ANKRD36C: variants seen among roughly 807,000 people sequenced by gnomAD.
ANKRD36C encodes ankyrin repeat domain-containing protein 36C.
A neutral mutation model predicts 276.4 loss-of-function variants in ANKRD36C; 61 were observed. The ratio of observed to expected loss-of-function variants is 0.22; its 90% CI spans 0.18 to 0.27. The LOEUF is 0.27. ANKRD36C is among the 10% of genes least tolerant of loss of function. ANKRD36C has a pLI of 1.00. For missense variants in ANKRD36C, 1,447 were observed against 2,032.3 expected, an observed-to-expected ratio of 0.71 and a Z score of 5.54; for synonymous variants, 483 against 680.1, an observed-to-expected ratio of 0.71 and a Z score of 4.51.
rs1275854166 is a variant in ANKRD36C, at chr2:95,857,463, C to T, written c.3926G>A (p.Arg1309Lys). ...TTGGTGCAACTCTTCAACATTTCTT[C>T]TTTTCTTTTTTTCTTGCTGTATGGC... is the stretch of plus-strand genomic sequence containing the variant. The change falls in exon 62 of 67, where the codon AGA (arginine) becomes AAA (lysine). Residue 1309 changes from arginine (R) to lysine (K), a missense_variant. Around this residue, in one of 13 missense-constraint regions of ANKRD36C, gnomAD observed 437 missense variants for 641.0 expected, o/e 0.68. Transcript: ENST00000456556. 3 of 1,575,060 alleles carry T rather than the reference C, an allele frequency of 1.9e-6. No individual in the cohort carries two copies. In the East Asian group the frequency reaches 6.7e-5, roughly 35 times the overall value.
Position 95,919,560 on chromosome 2 carries a change from A to G in ANKRD36C, c.2246-1518T>C, listed in dbSNP as rs549493599. 3.4e-3 allele frequency among the ~76,000 whole-genome samples: 436 copies of G among 129,968 alleles called. 76 individuals are homozygous for G. Among genetic ancestry groups the G allele is most frequent in the Admixed American group, 6.1e-3 (76 of 12,448 alleles). 85.3% of individuals were successfully genotyped at this position (129,968 alleles called of 152,430 possible). ...ACTGCAAAGATCATGTTCCAGGCCA[A>G]CAGCATTAGCGTCTCCCAAGAAATT... is the stretch of plus-strand genomic sequence containing the variant. On this transcript the variant is annotated intron_variant, in intron 34 of 66. Transcript: ENST00000456556.
At chr2:95,979,338 G>A (rs1311909805) in intron 5 of ANKRD36C, among the ~76,000 whole-genome samples, 1 of 151,904 alleles carries the variant, frequency 6.6e-6, no homozygotes, top group Non-Finnish European at 1.5e-5. Flanking sequence ...TCCAATTTTA[G>A]TATTTGTGCT....
At chr2:95,890,046 A>C (rs1265065862) in intron 46 of ANKRD36C, 52 bp from the exon 67 acceptor site, 1 of 1,565,990 alleles carries the variant, frequency 6.4e-7, no homozygotes, top group Non-Finnish European at 8.8e-7. Flanking sequence ...TGATAAAGTT[A>C]TTCATACATT....
intron 4 of ANKRD36C, among the ~76,000 whole-genome samples, chr2:95,981,019 C>T (rs1678904685): frequency 6.6e-6 from 1 of 152,056 alleles, no homozygotes; most frequent in East Asian, 1.9e-4. Flanking sequence ...AAGTTGCTAA[C>T]TTAAAGTCCT....
At chr2:95,921,441 T>C (rs1292685499) in intron 34 of ANKRD36C, among the ~76,000 whole-genome samples, 166 bp downstream of exon 34, 1 of 151,556 alleles carries the variant, frequency 6.6e-6, no homozygotes, top group Non-Finnish European at 1.5e-5. Context: ...CCAGCAGCAT[T>C]AGCGTCACCC....
rs1187187322 is a variant in ANKRD36C at position 95,855,545 on chromosome 2, T to C, written c.4716A>G (p.Thr1572=). 4.3e-6 allele frequency: 7 copies of C among 1,611,304 alleles called. No homozygotes were observed. The African/African-American group carries it at 9.4e-5, about 22-fold the overall frequency. ...CCTGCTTTTCTATGCATTTTTCCAT[T>C]GTATTGTATCCACTTTTGTACATTT... Residue 1572 remains threonine, a synonymous_variant, in exon 63 of 67, where the codon ACA becomes ACG. Transcript: ENST00000456556.
intron 44 of ANKRD36C, among the ~76,000 whole-genome samples, chr2:95,898,043 T>A (rs1274287235): frequency 2.0e-5 from 3 of 148,846 alleles, no homozygotes; most frequent in African/African-American, 7.4e-5. Context: ...ATTATCTCTC[T>A]CAACCATATG....
chr2:95,884,060 G>A (rs1558626184), intron 54 of ANKRD36C, 113 bp downstream of exon 74: 3 of 1,228,956 alleles, frequency 2.4e-6, no homozygotes, highest in East Asian at 2.5e-5. Context: ...AGAATCTCAG[G>A]TCTGCAGAAT....
rs1558628212 is a variant in ANKRD36C, at chr2:95,889,790, C to A, written c.2959+9G>T. The A allele has an allele frequency of 6.3e-7, 1 of 1,580,284 alleles. No individual in the cohort carries two copies. Among genetic ancestry groups the A allele is most frequent in the Middle Eastern group, 1.7e-4 (1 of 6,002 alleles). On this transcript the variant is annotated intron_variant, in intron 48 of 66. Transcript: ENST00000456556. ...ACGAACATCCTATTAAATGTGTTTG[C>A]AAAATTACCTGTCCCAGATATTTGT...
intron 42 of ANKRD36C, 77 bp downstream of exon 54, chr2:95,902,809 C>A (rs1299318999): frequency 1.4e-6 from 2 of 1,454,080 alleles, no homozygotes; most frequent in African/African-American, 2.9e-5. Context: ...CAACGAGCCC[C>A]CCGCTGATTT....
At chr2:95,856,709 C>G (rs570828498) in intron 62 of ANKRD36C, among the ~76,000 whole-genome samples, 2 of 152,186 alleles carry the variant, frequency 1.3e-5, no homozygotes, top group Non-Finnish European at 2.9e-5. Context: ...AATGATAAGT[C>G]TAGGCATTAT....
rs1676076603 is a variant in ANKRD36C at position 95,881,522 on chromosome 2, T to A, written c.3367+780A>T. Among the ~76,000 whole-genome samples, 29 of 150,768 alleles carry A rather than the reference T, an allele frequency of 1.9e-4. No individual in the cohort carries two copies. In the South Asian group the frequency reaches 6.1e-3, roughly 31 times the overall value. The stretch of plus-strand genomic sequence containing the variant: ...AAAGAATTTTCATTAAATAGCTATT[T>A]TAACAAGACAGCCAGCACTTTGGAA... On this transcript the variant is annotated intron_variant, in intron 56 of 66. Coordinates refer to ENST00000456556, the Ensembl canonical transcript of ANKRD36C.
intron 13 of ANKRD36C, among the ~76,000 whole-genome samples, chr2:95,955,781 C>T (rs1231172139): frequency 2.0e-5 from 3 of 152,140 alleles, no homozygotes; most frequent in Non-Finnish European, 4.4e-5. Context: ...AGGTTCTCCA[C>T]CTGAACAACC....
At chr2:95,896,466 T>A (rs1676554151) in intron 44 of ANKRD36C, among the ~76,000 whole-genome samples, 1 of 149,822 alleles carries the variant, frequency 6.7e-6, no homozygotes, top group Admixed American at 6.6e-5. Flanking sequence ...ATCGTGTTAT[T>A]CTCTAAAGAA....
chr2:95,892,128 G>A (rs148775961), intron 44 of ANKRD36C, among the ~76,000 whole-genome samples: 2 of 151,666 alleles, frequency 1.3e-5, no homozygotes, highest in East Asian at 2.0e-4. Context: ...CAATATCAAC[G>A]TGGATATGTC....
At chr2:95,969,925 A>T (rs1228115631) in intron 6 of ANKRD36C, among the ~76,000 whole-genome samples, 9 of 151,726 alleles carry the variant, frequency 5.9e-5, no homozygotes, top group East Asian at 1.9e-4. Context: ...ATATATATAT[A>T]TTTTTATAAA....
chr2:95,871,778 C>T (rs928927168), intron 59 of ANKRD36C, among the ~76,000 whole-genome samples: 56 of 151,818 alleles, frequency 3.7e-4, no homozygotes, highest in African/African-American at 1.1e-3. Context: ...ACCCATCTCA[C>T]GTGCAGAGAC....
intron 18 of ANKRD36C, 96 bp downstream of exon 18, chr2:95,945,018 C>A: frequency 7.0e-7 from 1 of 1,419,056 alleles, no homozygotes; most frequent in Non-Finnish European, 9.6e-7. Context: ...GCCTGGGCAA[C>A]ATTGAGTAAC....
chr2:95,867,995 T>G (rs1244575642), intron 59 of ANKRD36C, among the ~76,000 whole-genome samples: 1 of 151,746 alleles, frequency 6.6e-6, no homozygotes, highest in Non-Finnish European at 1.5e-5. Flanking sequence ...AAAACCAGAG[T>G]AGCAGCAAGT....
Sources: gnomAD v4.1 joint callset for allele counts (sites outside exome capture counted in the v4.1 genomes callset) on GRCh38, gnomAD v4.1.1 for gene constraint, gnomAD v4.1.1 regional missense constraint, MANE v1.5 for transcripts, NCBI Gene and HGNC (gene_info 2026-07-23, HGNC 2026-07-21) for gene names.